ITPR2: variants seen among roughly 807,000 people sequenced by gnomAD.
ITPR2 encodes inositol 1,4,5-trisphosphate-gated calcium channel ITPR2.
In ITPR2, 207 loss-of-function variants were observed where a neutral mutation model predicts 317.1. The ratio of observed to expected loss-of-function variants is 0.65; its 90% confidence interval spans 0.58 to 0.73. The LOEUF (loss-of-function observed/expected upper bound fraction) is 0.73. Ranked by LOEUF, ITPR2 falls within the 30% of genes least tolerant of loss-of-function variation. The pLI is 0.00. For synonymous variants in ITPR2, 1,156 were observed against 1,149.1 expected (o/e 1.01, Z -0.12); for missense variants, 2,613 against 3,284.0 (o/e 0.80, Z 4.99).
At chr12:26,451,057 G>A (rs2136758210) in intron 45 of ITPR2, among the ~76,000 whole-genome samples, 2 of 152,200 alleles carry the variant, frequency 1.3e-5, no homozygotes, top group South Asian at 4.1e-4. Flanking sequence ...ATTATCTTGA[G>A]CAGATTTTGG....
At chr12:26,526,615 C>A (rs1943814145) in intron 37 of ITPR2, among the ~76,000 whole-genome samples, 1 of 151,938 alleles carries the variant, frequency 6.6e-6, no homozygotes, top group Non-Finnish European at 1.5e-5. Context: ...TTATCATTTA[C>A]AACTGTTACT....
chr12:26,461,715 CACAT>C (rs1565539805), intron 45 of ITPR2, among the ~76,000 whole-genome samples: 4 of 141,682 alleles, frequency 2.8e-5, no homozygotes, highest in African/African-American at 1.1e-4. Context: ...CACACACACA[CACAT>C]ACATATAAAG....
At chr12:26,502,288 A>T (rs1303188299) in intron 37 of ITPR2, among the ~76,000 whole-genome samples, 1 of 152,170 alleles carries the variant, frequency 6.6e-6, no homozygotes, top group African/African-American at 2.4e-5. Context: ...TTAAGAATGG[A>T]TTTTACTGCT....
chr12:26,554,621 G>A (rs772629539), intron 36 of ITPR2, among the ~76,000 whole-genome samples: 10 of 152,102 alleles, frequency 6.6e-5, no homozygotes, highest in South Asian at 6.2e-4. Flanking sequence ...TTGCCAACCC[G>A]TTCCAGGCTG....
chr12:26,574,731 G>A (rs1415755907), intron 34 of ITPR2, among the ~76,000 whole-genome samples: 1 of 152,124 alleles, frequency 6.6e-6, no homozygotes, highest in Admixed American at 6.5e-5. Flanking sequence ...CTTCTGGTGA[G>A]GCCTCAGGAA....
intron 36 of ITPR2, among the ~76,000 whole-genome samples, chr12:26,551,366 C>A (rs992563997): frequency 6.6e-6 from 1 of 152,190 alleles, no homozygotes; most frequent in African/African-American, 2.4e-5. Context: ...AGAACAGAGG[C>A]CCAGGGAGAT....
chr12:26,340,716 T>TG (rs1938083208), intron 55 of ITPR2, among the ~76,000 whole-genome samples: 1 of 151,688 alleles, frequency 6.6e-6, no homozygotes, highest in African/African-American at 2.4e-5. Flanking sequence ...ACAAGAGAAG[T>TG]GGGGGGATGG....
chr12:26,641,782 A>T (rs1056928142), intron 21 of ITPR2, among the ~76,000 whole-genome samples: 59 of 152,340 alleles, frequency 3.9e-4, no homozygotes, highest in African/African-American at 1.3e-3. Flanking sequence ...TAAAAGGAAC[A>T]TGATCTAGTG....
intron 35 of ITPR2, among the ~76,000 whole-genome samples, chr12:26,559,596 A>C (rs1944759752): frequency 6.6e-6 from 1 of 152,098 alleles, no homozygotes. Context: ...GAATTTCAGC[A>C]TATGAATTTG....
chr12:26,339,434 T>C lies in ITPR2; in HGVS notation c.8069A>G (p.Asn2690Ser). 6.2e-7 allele frequency: 1 copy of C among 1,613,958 alleles called. No homozygotes were observed. The highest frequency in any genetic ancestry group is 8.5e-7 in the Non-Finnish European group (1 of 1,179,902). The change falls in exon 57 of 57, where the codon AAC becomes AGC. Residue 2690 changes from asparagine to serine, a missense_variant. Asn to Ser is a conservative substitution (Grantham distance 46). Around this residue, in one of 9 missense-constraint regions of ITPR2, gnomAD observed 119 missense variants for 144.3 expected, o/e 0.82. Transcript: ENST00000381340. ...CATGTGATGATTCACATGGGGTGTG[T>C]TTGATCCGAGGAAGCCCAGTCTCTG... Reference protein sequence around the residue: ...NKQRLGFLGSNTPHVNHHMPP... With the variant: ...NKQRLGFLGSSTPHVNHHMPP...
At chr12:26,644,649 G>A (rs941789320) in intron 21 of ITPR2, among the ~76,000 whole-genome samples, 7 of 152,088 alleles carry the variant, frequency 4.6e-5, no homozygotes, top group African/African-American at 1.4e-4. Flanking sequence ...CAGATCTCAT[G>A]AGACTTACTC....
At chr12:26,832,606 G>A in intron 1 of ITPR2, 84 bp downstream of exon 1, 1 of 1,051,610 alleles carries the variant, frequency 9.5e-7, no homozygotes, top group Non-Finnish European at 1.4e-6. Flanking sequence ...GCGGCAGCGG[G>A]AGGACCGGGC....
At chr12:26,624,725 G>A (rs1228404847) in intron 23 of ITPR2, among the ~76,000 whole-genome samples, 1 of 151,090 alleles carries the variant, frequency 6.6e-6, no homozygotes, top group Admixed American at 6.6e-5. Context: ...TACACTGTTG[G>A]TGGGAATGTA....
intron 37 of ITPR2, among the ~76,000 whole-genome samples, chr12:26,506,558 C>G (rs1330999062): frequency 6.8e-6 from 1 of 147,808 alleles, no homozygotes; most frequent in Admixed American, 6.8e-5. Flanking sequence ...GCACACAAAA[C>G]TCATTACCTA....
chr12:26,564,581 T>C (rs572274769), intron 34 of ITPR2, among the ~76,000 whole-genome samples: 144 of 152,320 alleles, frequency 9.5e-4, no homozygotes, highest in Non-Finnish European at 1.5e-3. Context: ...TACTGAATCA[T>C]GGTGGGCCCC....
chr12:26,402,529 C>T (rs1344285258), intron 52 of ITPR2, among the ~76,000 whole-genome samples: 1 of 152,188 alleles, frequency 6.6e-6, no homozygotes, highest in Non-Finnish European at 1.5e-5. Context: ...ACACACAATT[C>T]ATGTGATTAG....
Position 26,659,169 on chromosome 12 carries a change from G to T in ITPR2, c.1830C>A (p.Ile610=). ...CAAATGTTTCTATTTCTTTTGCTGT[G>T]ATATGTTTCTCTAGTAGTTTTCTGT... ...HNNRKLLEKH[I]TAKEIETFVS... is the part of the protein sequence containing the mutation. Residue 610 remains isoleucine, a synonymous_variant, in exon 16 of 57, where the codon ATC becomes ATA. Transcript: ENST00000381340. 2 of 1,613,462 alleles carry T rather than the reference G, an allele frequency of 1.2e-6. No individual in the cohort carries two copies. The highest frequency in any genetic ancestry group is 1.7e-6 in the Non-Finnish European group (2 of 1,179,614).
chr12:26,454,352 G>T (rs191635160), intron 45 of ITPR2, among the ~76,000 whole-genome samples: 23 of 151,976 alleles, frequency 1.5e-4, no homozygotes, highest in African/African-American at 5.5e-4. Flanking sequence ...CTACAAGCAC[G>T]CACCACCATG....
chr12:26,719,709 C>T (rs1948800947), intron 5 of ITPR2, among the ~76,000 whole-genome samples: 1 of 152,104 alleles, frequency 6.6e-6, no homozygotes, highest in Non-Finnish European at 1.5e-5. Flanking sequence ...CCCATTAACT[C>T]GTCATTTAGC....
Sources: gnomAD v4.1 joint callset for allele counts (sites outside exome capture counted in the v4.1 genomes callset) on GRCh38, gnomAD v4.1.1 for gene constraint, gnomAD v4.1.1 regional missense constraint, MANE v1.5 for transcripts, NCBI Gene and HGNC (gene_info 2026-07-23, HGNC 2026-07-21) for gene names.